The following NF1 variants were observed in gnomAD, a reference collection of about 807,000 sequenced individuals.
The protein encoded by NF1 is neurofibromin.
A neutral mutation model predicts 325.7 loss-of-function variants in NF1; 122 were observed. The observed-to-expected ratio is 0.37, with a 90% confidence interval of 0.32 to 0.44. The LOEUF (loss-of-function observed/expected upper bound fraction) is 0.44, where lower values mean the gene tolerates loss of function less well. Ranked by LOEUF, NF1 falls within the 20% of genes least tolerant of loss-of-function variation. NF1 has a pLI of 1.00. For missense variants in NF1, 2,140 were observed against 3,415.4 expected (o/e 0.63, Z 9.31); for synonymous variants, 1,091 against 1,186.0 (o/e 0.92, Z 1.65).
chr17:31,159,853 C>T (rs1270725390), intron 3 of NF1, among the ~76,000 whole-genome samples: 1 of 152,006 alleles, frequency 6.6e-6, no homozygotes, highest in Non-Finnish European at 1.5e-5. Context: ...TTCTCTCTTC[C>T]TTTGGCTCAG....
chr17:31,280,834 A>G lies in NF1; in HGVS notation c.4835+15495A>G, dbSNP rs528396011. Among the ~76,000 whole-genome samples the G allele has an allele frequency of 1.9e-4, 26 of 134,938 alleles. 1 individual carries two copies. The highest frequency in any genetic ancestry group is 6.2e-4 in the African/African-American group (23 of 37,230). The allele number at this position is 134,938 out of a possible 152,430, so 88.5% of individuals were successfully genotyped here. A position where few individuals can be genotyped will look rare whatever the true frequency, so the allele number is the denominator to read the frequency against. On this transcript the variant is annotated intron_variant, in intron 36 of 57. Transcript: ENST00000358273. ...AAGGTATTCATGTATTACTTCGGGG[A>G]TTTTTTTTTTTTTTGCCATTTCTTC...
At chr17:31,226,257 G>C (rs1237865080) in intron 17 of NF1, among the ~76,000 whole-genome samples, 178 bp from the exon 18 acceptor site, 1 of 149,388 alleles carries the variant, frequency 6.7e-6, no homozygotes, top group Non-Finnish European at 1.5e-5. Flanking sequence ...AGATATTTTG[G>C]GGTTTGAAAA....
intron 36 of NF1, chr17:31,305,450 TCC>T: frequency 6.2e-7 from 1 of 1,614,218 alleles, no homozygotes; most frequent in Non-Finnish European, 8.5e-7. Flanking sequence ...CCCAAAGGAT[TCC>T]CTGTTGTGTT....
At chr17:31,197,131 G>A (rs1415887746) in intron 8 of NF1, among the ~76,000 whole-genome samples, 3 of 151,292 alleles carry the variant, frequency 2.0e-5, no homozygotes, top group East Asian at 1.9e-4. Context: ...TACAAGCTCC[G>A]CCTCCCAGGG....
chr17:31,209,012 C>A (rs986829744), intron 12 of NF1, among the ~76,000 whole-genome samples: 10 of 152,212 alleles, frequency 6.6e-5, no homozygotes, highest in Admixed American at 3.9e-4. Flanking sequence ...ACTGTTGGCA[C>A]TATTAACATT....
chr17:31,155,363 G>A (rs2905787), intron 1 of NF1, among the ~76,000 whole-genome samples: 108,245 of 151,994 alleles, frequency 0.71, 38,877 homozygotes, highest in Middle Eastern at 0.84. Flanking sequence ...CATGGGATTT[G>A]TCTGCTTGTG....
chr17:31,282,108 C>T (rs949131093), intron 36 of NF1, among the ~76,000 whole-genome samples: 4 of 151,366 alleles, frequency 2.6e-5, no homozygotes, highest in African/African-American at 4.9e-5. Flanking sequence ...TTGGGCCGGG[C>T]GTGGTGGTTC....
At chr17:31,264,740 ATGCTAAAGC>A (rs2067755915) in intron 35 of NF1, among the ~76,000 whole-genome samples, 2 of 152,346 alleles carry the variant, frequency 1.3e-5, no homozygotes, top group South Asian at 4.1e-4. Context: ...AACATAATAT[ATGCTAAAGC>A]TGGTATTCAG....
At chr17:31,197,344 C>CTT (rs61619278) in intron 8 of NF1, among the ~76,000 whole-genome samples, 27 of 99,288 alleles carry the variant, frequency 2.7e-4, no homozygotes, top group Admixed American at 1.4e-3. Flanking sequence ...CCGCGCCTGG[C>CTT]TTTTTTTTTT....
chr17:31,360,896 A>C, intron 57 of NF1, 193 bp downstream of exon 57: 1 of 615,966 alleles, frequency 1.6e-6, no homozygotes, highest in Non-Finnish European at 2.9e-6. Context: ...CAAGTTGTAC[A>C]TAAGACAGTA....
intron 4 of NF1, 52 bp from the exon 5 acceptor site, chr17:31,169,839 C>G: frequency 7.8e-7 from 1 of 1,283,738 alleles, no homozygotes; most frequent in South Asian, 1.2e-5. Flanking sequence ...AGATACCACA[C>G]CTGTCCCCTA....
intron 47 of NF1, 108 bp from the exon 48 acceptor site, chr17:31,342,901 T>C: frequency 7.3e-7 from 1 of 1,375,914 alleles, no homozygotes. Flanking sequence ...TTCTCTCAAA[T>C]TGAAAGGATT....
chr17:31,262,642 C>T (rs1416053116), intron 35 of NF1, among the ~76,000 whole-genome samples: 2 of 152,108 alleles, frequency 1.3e-5, no homozygotes, highest in East Asian at 1.9e-4. Flanking sequence ...GTATTACTTA[C>T]AGGTCATGGT....
chr17:31,182,553 G>A lies in NF1; in HGVS notation c.776G>A (p.Ser259Asn), dbSNP rs2066156591. Residue 259 changes from serine (S) to asparagine (N), a missense_variant, in exon 8 of 58, where the codon AGC becomes AAC. By Grantham distance (46) the Ser-to-Asn change is conservative. This residue lies in a region of NF1 where 246 missense variants were observed against 347.8 expected (regional missense o/e 0.71). Coordinates refer to ENST00000358273, the MANE Select transcript of NF1 (RefSeq NM_001042492.3). ...LFDLVDGFAESTKRKAAVWPL... is the reference protein window; with the variant it reads ...LFDLVDGFAENTKRKAAVWPL... ...GACTTGGTGGATGGTTTTGCTGAAA[G>A]CACCAAACGTAAAGCAGCAGTTTGG... 2 of 1,614,046 alleles carry A rather than the reference G, an allele frequency of 1.2e-6. No homozygotes were observed. Among genetic ancestry groups the A allele is most frequent in the South Asian group, 1.1e-5 (1 of 91,072 alleles).
At chr17:31,227,128 C>T in intron 18 of NF1, 90 bp from the exon 19 acceptor site, 7 of 1,326,882 alleles carry the variant, frequency 5.3e-6, no homozygotes, top group Middle Eastern at 3.9e-4. Context: ...CTCTGCTCTT[C>T]CTACTCCTTT....
chr17:31,197,091 C>G (rs1385812869), intron 8 of NF1, among the ~76,000 whole-genome samples: 1 of 151,700 alleles, frequency 6.6e-6, no homozygotes, highest in African/African-American at 2.4e-5. Flanking sequence ...GTTGCCCAGG[C>G]TGGAGTACAG....
rs116784005 is a variant in NF1 at position 31,168,457 on chromosome 17, A to T, written c.480-1434A>T. 2.1e-3 allele frequency among the ~76,000 whole-genome samples: 327 copies of T among 152,284 alleles called. 1 individual carries two copies. The highest frequency in any genetic ancestry group is 7.4e-3 in the African/African-American group (307 of 41,562). ...GCTTTTTTGTTTTGTTCAAATTAAG[A>T]TACAAATAGGATGCGTACTTTGGAA... On this transcript the variant is annotated intron_variant, in intron 4 of 57. Transcript: ENST00000358273.
At chr17:31,330,065 C>T (rs2069441760) in intron 38 of NF1, among the ~76,000 whole-genome samples, 1 of 152,094 alleles carries the variant, frequency 6.6e-6, no homozygotes, top group Admixed American at 6.5e-5. Context: ...AGGAGCCTCA[C>T]AGTGCTCTTA....
At position 31,337,885 on chromosome 17, in the gene NF1, GTCCTAAATTAAAT is replaced by G; in HGVS notation, c.6704+6_6704+18del. ...GTGGACAGAACTAGCTCAAAGGTAT[GTCCTAAATTAAAT>G]ATAAGTTGTAAAAATATGCATATTG... is the stretch of plus-strand genomic sequence containing the variant. On this transcript the variant is annotated splice_donor_region_variant and intron_variant, in intron 44 of 57. Transcript: ENST00000358273. 1 of 1,613,080 alleles carries G rather than the reference GTCCTAAATTAAAT, an allele frequency of 6.2e-7. No individual in the cohort carries two copies. Among genetic ancestry groups the G allele is most frequent in the Non-Finnish European group, 8.5e-7 (1 of 1,179,220 alleles).
Sources: allele counts gnomAD v4.1 joint callset (sites outside exome capture counted in the v4.1 genomes callset), GRCh38; gene constraint gnomAD v4.1.1; regional missense constraint gnomAD v4.1.1; transcripts MANE v1.5; gene names NCBI Gene and HGNC (gene_info 2026-07-23, HGNC 2026-07-21).